Variants in PPM1L observed in about 807,000 individuals in gnomAD.
The protein encoded by PPM1L is protein phosphatase, Mg2+/Mn2+ dependent 1L, also known as protein phosphatase 1L.
Under a neutral mutation model 31.4 loss-of-function variants are expected in PPM1L, and 13 were observed. The observed-to-expected ratio is 0.41, with a 90% CI of 0.27 to 0.66. PPM1L has a LOEUF of 0.66. Ranked by LOEUF, PPM1L falls within the 30% of genes least tolerant of loss-of-function variation. The pLI is 0.29. For missense variants in PPM1L, 326 were observed against 453.7 expected (o/e 0.72, Z 2.56); for synonymous variants, 184 against 175.4 (o/e 1.05, Z -0.39).
chr3:160,772,978 A>G (rs1715297199), intron 1 of PPM1L, among the ~76,000 whole-genome samples: 2 of 152,164 alleles, frequency 1.3e-5, no homozygotes, highest in Non-Finnish European at 2.9e-5. Flanking sequence ...CTTACTGGAC[A>G]TTTGAGTTGT....
At chr3:160,853,494 A>G (rs954069166) in intron 1 of PPM1L, among the ~76,000 whole-genome samples, 1 of 152,180 alleles carries the variant, frequency 6.6e-6, no homozygotes, top group East Asian at 1.9e-4. Context: ...GACTGCATAA[A>G]TTAAAGAAAA....
intron 2 of PPM1L, among the ~76,000 whole-genome samples, chr3:161,040,598 TATTA>T (rs1392379608): frequency 6.6e-6 from 1 of 152,230 alleles, no homozygotes; most frequent in South Asian, 2.1e-4. Context: ...AAACCTTTAC[TATTA>T]ATTAATCACA....
At chr3:160,952,590 C>T (rs1240299242) in intron 1 of PPM1L, among the ~76,000 whole-genome samples, 2 of 152,124 alleles carry the variant, frequency 1.3e-5, no homozygotes, top group Non-Finnish European at 2.9e-5. Flanking sequence ...TTCCTCAGTG[C>T]CAAAGTCTCC....
intron 1 of PPM1L, among the ~76,000 whole-genome samples, chr3:160,945,132 T>TATATAA (rs2108092721): frequency 2.2e-5 from 3 of 136,436 alleles, no homozygotes; most frequent in African/African-American, 8.5e-5. Context: ...TATCTATCTA[T>TATATAA]CTATCTATCT....
At chr3:160,837,553 A>G (rs375977693) in intron 1 of PPM1L, among the ~76,000 whole-genome samples, 4 of 152,290 alleles carry the variant, frequency 2.6e-5, no homozygotes, top group African/African-American at 7.2e-5. Context: ...ATTGAATAGC[A>G]CTGGGGTCAT....
intron 1 of PPM1L, among the ~76,000 whole-genome samples, chr3:160,955,999 A>G (rs1715764488): frequency 6.6e-6 from 1 of 152,122 alleles, no homozygotes; most frequent in African/African-American, 2.4e-5. Flanking sequence ...GCAGCTCTTG[A>G]AATATACTTT....
chr3:160,758,025 T>A (rs1156590601), intron 1 of PPM1L, among the ~76,000 whole-genome samples: 1 of 152,242 alleles, frequency 6.6e-6, no homozygotes, highest in African/African-American at 2.4e-5. Flanking sequence ...GAACCAACTT[T>A]GCCAAGAATG....
chr3:160,893,939 T>C (rs1713243829), intron 1 of PPM1L, among the ~76,000 whole-genome samples: 1 of 152,202 alleles, frequency 6.6e-6, no homozygotes. Context: ...TTACATGAGA[T>C]AGTCAACACT....
intron 2 of PPM1L, among the ~76,000 whole-genome samples, chr3:161,057,194 C>T (rs1260001283): frequency 6.6e-6 from 1 of 152,108 alleles, no homozygotes; most frequent in African/African-American, 2.4e-5. Context: ...AGTAAGTTGG[C>T]AGCTGGCAGC....
At chr3:160,778,350 T>C (rs1711622364) in intron 1 of PPM1L, among the ~76,000 whole-genome samples, 1 of 152,170 alleles carries the variant, frequency 6.6e-6, no homozygotes, top group Non-Finnish European at 1.5e-5. Context: ...ACTTTTTATA[T>C]TGATATAATT....
intron 2 of PPM1L, among the ~76,000 whole-genome samples, chr3:160,999,600 A>T (rs1303291303): frequency 6.6e-6 from 1 of 152,324 alleles, no homozygotes; most frequent in African/African-American, 2.4e-5. Flanking sequence ...TCAGGCGTAA[A>T]CATGTTTTCA....
chr3:160,840,014 G>A (rs1053244750), intron 1 of PPM1L, among the ~76,000 whole-genome samples: 2 of 152,138 alleles, frequency 1.3e-5, no homozygotes, highest in African/African-American at 4.8e-5. Context: ...AGTGTTAATA[G>A]GATTTCAGAT....
At chr3:160,764,995 A>C (rs1476355149) in intron 1 of PPM1L, among the ~76,000 whole-genome samples, 1 of 152,224 alleles carries the variant, frequency 6.6e-6, no homozygotes, top group African/African-American at 2.4e-5. Flanking sequence ...TTTCTGGATC[A>C]AAGGAATAAA....
intron 2 of PPM1L, among the ~76,000 whole-genome samples, chr3:161,029,469 A>G (rs1316872761): frequency 1.3e-5 from 2 of 152,238 alleles, no homozygotes; most frequent in East Asian, 3.8e-4. Flanking sequence ...CCAGTAAATA[A>G]GCTGAATGAA....
chr3:160,813,571 C>T (rs1397827147), intron 1 of PPM1L, among the ~76,000 whole-genome samples: 4 of 152,152 alleles, frequency 2.6e-5, no homozygotes, highest in African/African-American at 9.7e-5. Context: ...AACTCCTGAA[C>T]TCAGATGATC....
intron 1 of PPM1L, among the ~76,000 whole-genome samples, chr3:160,934,763 G>A (rs1294131738): frequency 6.6e-6 from 1 of 152,080 alleles, no homozygotes; most frequent in African/African-American, 2.4e-5. Flanking sequence ...GACACGCCTG[G>A]GCAATGTGGT....
intron 1 of PPM1L, among the ~76,000 whole-genome samples, chr3:160,778,959 A>G (rs950445942): frequency 6.6e-6 from 1 of 152,140 alleles, no homozygotes; most frequent in Non-Finnish European, 1.5e-5. Context: ...TTTGTGCATA[A>G]TCCACAATAA....
At position 160,757,421 on chromosome 3, in the gene PPM1L, G is replaced by A. The variant is rs1448819538; in HGVS notation, c.399+714G>A. 2.6e-5 allele frequency among the ~76,000 whole-genome samples: 4 copies of A among 152,258 alleles called. No individual in the cohort carries two copies. In the East Asian group the frequency reaches 7.7e-4, roughly 29 times the overall value. Reference sequence around the variant, plus strand: ...TGCTTTGACCTCACCCTTGCGCCCTGGCGGGCTTAGGGGTGCAGACGTCGT... The same window carrying A: ...TGCTTTGACCTCACCCTTGCGCCCTAGCGGGCTTAGGGGTGCAGACGTCGT... On this transcript the variant is annotated intron_variant, in intron 1 of 3. Coordinates refer to ENST00000498165, the MANE Select transcript of PPM1L (RefSeq NM_139245.4).
At chr3:160,959,452 A>T (rs4679926) in intron 1 of PPM1L, among the ~76,000 whole-genome samples, 55,338 of 152,174 alleles carry the variant, frequency 0.36, 12,859 homozygotes, top group Non-Finnish European at 0.52. Context: ...CTGAAATAAA[A>T]TTTTTAAAAA....
Sources: allele counts gnomAD v4.1 joint callset (sites outside exome capture counted in the v4.1 genomes callset), GRCh38; gene constraint gnomAD v4.1.1; transcripts MANE v1.5; gene names NCBI Gene and HGNC (gene_info 2026-07-23, HGNC 2026-07-21).